CSMD1: variants seen among roughly 807,000 people sequenced by gnomAD.
The protein encoded by CSMD1 is CUB and sushi domain-containing protein 1.
CSMD1 carries 213 observed loss-of-function variants against 417.5 expected under a neutral mutation model. The ratio of observed to expected loss-of-function variants is 0.51; its 90% confidence interval spans 0.46 to 0.57. CSMD1 has a LOEUF of 0.57. Among genes scored for constraint, CSMD1 ranks in the 20% least tolerant of loss-of-function variants. The pLI is 0.00. For synonymous variants in CSMD1, 2,862 were observed against 1,736.8 expected, an observed-to-expected ratio of 1.65 and a Z score of -16.11; for missense variants, 6,923 against 4,529.7, an observed-to-expected ratio of 1.53 and a Z score of -15.17.
intron 37 of CSMD1, among the ~76,000 whole-genome samples, chr8:3,178,594 A>G (rs1187947845): frequency 6.6e-6 from 1 of 152,166 alleles, no homozygotes; most frequent in Non-Finnish European, 1.5e-5. Flanking sequence ...GGACCCAGGA[A>G]GGCTAAAAAT....
chr8:4,375,778 C>T (rs531146179), intron 3 of CSMD1, among the ~76,000 whole-genome samples: 1 of 152,234 alleles, frequency 6.6e-6, no homozygotes, highest in East Asian at 1.9e-4. Context: ...CAGTGATTTC[C>T]CCCTCTTCAA....
chr8:4,516,246 G>A (rs1803116719), intron 2 of CSMD1, among the ~76,000 whole-genome samples: 1 of 152,120 alleles, frequency 6.6e-6, no homozygotes, highest in South Asian at 2.1e-4. Context: ...GAGAGAAGGG[G>A]CCTTCTGCAA....
intron 1 of CSMD1, among the ~76,000 whole-genome samples, chr8:4,705,087 A>T (rs1334275156): frequency 1.3e-5 from 2 of 152,062 alleles, no homozygotes; most frequent in Admixed American, 1.3e-4. Context: ...TGATGGTTTT[A>T]TAAGTGTTTG....
intron 5 of CSMD1, among the ~76,000 whole-genome samples, chr8:3,837,498 G>A (rs1802788535): frequency 6.6e-6 from 1 of 152,126 alleles, no homozygotes; most frequent in Admixed American, 6.6e-5. Context: ...GAAACAAGAT[G>A]TGAGATCCTG....
intron 55 of CSMD1, among the ~76,000 whole-genome samples, chr8:2,975,395 A>G (rs548482524): frequency 1.3e-5 from 2 of 152,310 alleles, no homozygotes; most frequent in South Asian, 4.1e-4. Flanking sequence ...ATGCAAAAAT[A>G]ACCGATTTGA....
chr8:3,299,967 CA>C (rs779836849), intron 25 of CSMD1, among the ~76,000 whole-genome samples: 2 of 152,134 alleles, frequency 1.3e-5, no homozygotes, highest in Non-Finnish European at 2.9e-5. Context: ...ATAGCAAATG[CA>C]GCTCTAGAAA....
At chr8:3,723,600 C>T (rs7465155) in intron 6 of CSMD1, among the ~76,000 whole-genome samples, 126,353 of 152,102 alleles carry the variant, frequency 0.83, 52,594 homozygotes, top group Middle Eastern at 0.91. Context: ...TGATGAAATT[C>T]GGGTTTTCAA....
At chr8:4,201,017 G>T (rs928386533) in intron 3 of CSMD1, among the ~76,000 whole-genome samples, 4 of 152,080 alleles carry the variant, frequency 2.6e-5, no homozygotes, top group African/African-American at 9.7e-5. Flanking sequence ...AGTGTGGAAG[G>T]CATCATGAGA....
intron 5 of CSMD1, among the ~76,000 whole-genome samples, chr8:3,851,891 A>G (rs377322222): frequency 4.2e-4 from 64 of 152,270 alleles, no homozygotes; most frequent in African/African-American, 1.5e-3. Context: ...TCCATGGATC[A>G]GAGATTCTGG....
intron 3 of CSMD1, among the ~76,000 whole-genome samples, chr8:4,226,615 A>G (rs997431691): frequency 2.6e-5 from 4 of 152,212 alleles, no homozygotes; most frequent in African/African-American, 7.2e-5. Context: ...TTGATATTCT[A>G]TAACATCAAT....
intron 37 of CSMD1, among the ~76,000 whole-genome samples, chr8:3,174,614 A>C (rs992105225): frequency 1.3e-4 from 20 of 152,370 alleles, no homozygotes; most frequent in Non-Finnish European, 2.2e-4. Flanking sequence ...CTAAGAGCTT[A>C]TCTCTCTTAA....
At chr8:4,454,304 C>A (rs552710864) in intron 2 of CSMD1, among the ~76,000 whole-genome samples, 8 of 152,278 alleles carry the variant, frequency 5.3e-5, no homozygotes, top group Admixed American at 3.3e-4. Context: ...CCAGACGCAG[C>A]CTCTTCTTCC....
intron 1 of CSMD1, among the ~76,000 whole-genome samples, chr8:4,905,778 C>CCACT (rs1267401119): frequency 3.4e-5 from 5 of 147,960 alleles, no homozygotes. Flanking sequence ...CGAGATTGTG[C>CCACT]CACTGCACTC....
At chr8:3,720,383 G>C (rs1802083232) in intron 6 of CSMD1, among the ~76,000 whole-genome samples, 1 of 152,108 alleles carries the variant, frequency 6.6e-6, no homozygotes, top group African/African-American at 2.4e-5. Context: ...TCTATCTATG[G>C]GAATAATAAA....
rs549074331 is a variant in CSMD1, at chr8:4,417,303, A to G, written c.415+2650T>C. Reference sequence around the variant, plus strand: ...TCTCATTATGTAGCTTAATAGTTCCATGTGTGAATAATAGTTTATGTAAAT... The same window carrying G: ...TCTCATTATGTAGCTTAATAGTTCCGTGTGTGAATAATAGTTTATGTAAAT... On this transcript the variant is annotated intron_variant, in intron 3 of 69. Coordinates refer to ENST00000635120, the MANE Select transcript of CSMD1 (RefSeq NM_033225.6). 8.3e-4 allele frequency among the ~76,000 whole-genome samples: 126 copies of G among 152,146 alleles called. 2 individuals are homozygous for G. Among genetic ancestry groups the G allele is most frequent in the African/African-American group, 2.9e-3 (121 of 41,566 alleles).
intron 1 of CSMD1, among the ~76,000 whole-genome samples, chr8:4,968,865 T>A (rs1391629994): frequency 6.6e-6 from 1 of 152,172 alleles, no homozygotes; most frequent in Non-Finnish European, 1.5e-5. Flanking sequence ...CGCTTAGTGC[T>A]ACACACAAAG....
intron 26 of CSMD1, among the ~76,000 whole-genome samples, chr8:3,235,518 A>G (rs1184943088): frequency 4.6e-5 from 7 of 152,160 alleles, no homozygotes; most frequent in South Asian, 4.1e-4. Context: ...CCCCTTAGAC[A>G]TTCCCATTGC....
intron 3 of CSMD1, among the ~76,000 whole-genome samples, chr8:4,128,244 C>G (rs75661415): frequency 1.7e-4 from 26 of 152,148 alleles, no homozygotes; most frequent in African/African-American, 6.0e-4. Context: ...GCATGGCTGA[C>G]AGGTGCAATC....
At chr8:4,363,333 A>G (rs1436916978) in intron 3 of CSMD1, among the ~76,000 whole-genome samples, 2 of 152,158 alleles carry the variant, frequency 1.3e-5, no homozygotes, top group Non-Finnish European at 2.9e-5. Context: ...GGTACCCTGC[A>G]TAACTGTTTT....
Sources: gnomAD v4.1 joint callset for allele counts (sites outside exome capture counted in the v4.1 genomes callset) on GRCh38, gnomAD v4.1.1 for gene constraint, MANE v1.5 for transcripts, NCBI Gene and HGNC (gene_info 2026-07-23, HGNC 2026-07-21) for gene names.